TRPM6: variants seen among roughly 807,000 people sequenced by gnomAD.
TRPM6 encodes the protein channel kinase 2.
A neutral mutation model predicts 247.6 loss-of-function variants in TRPM6; 111 were observed. The ratio of observed to expected loss-of-function variants is 0.45; its 90% CI spans 0.38 to 0.52. TRPM6 has a LOEUF of 0.52. Ranked by LOEUF, TRPM6 falls within the 20% of genes least tolerant of loss-of-function variation. The probability of loss-of-function intolerance (pLI) is 0.00; values close to 1 mark genes in which losing one functional copy is unlikely to be tolerated. For synonymous variants in TRPM6, 892 were observed against 853.8 expected, an observed-to-expected ratio of 1.04 and a Z score of -0.78; for missense variants, 2,126 against 2,421.5, an observed-to-expected ratio of 0.88 and a Z score of 2.56.
In TRPM6 at chr9:74,762,407, G is replaced by T. The variant is rs1164786248; in HGVS notation, c.4264C>A (p.Gln1422Lys). ...GTGCAACTCAAAGTGGGTAGCACTT[G>T]CTCTGCCTTGTCTTGTCCATCCAGT... is the stretch of plus-strand genomic sequence containing the variant. ...HLLDGQDKAE[Q>K]VLPTLSCTPE... Residue 1422 changes from glutamine (Q) to lysine (K), a missense_variant, in exon 26 of 39, where the codon CAA becomes AAA. By Grantham distance (53) the Gln-to-Lys change is moderately conservative. Coordinates refer to ENST00000360774, the MANE Select transcript of TRPM6 (RefSeq NM_017662.5). The T allele has an allele frequency of 1.2e-6, 2 of 1,614,186 alleles. No individual in the cohort carries two copies. The highest frequency in any genetic ancestry group is 1.7e-6 in the Non-Finnish European group (2 of 1,180,040).
intron 7 of TRPM6, among the ~76,000 whole-genome samples, chr9:74,822,260 T>C (rs1390714437): frequency 6.6e-6 from 1 of 152,208 alleles, no homozygotes; most frequent in Non-Finnish European, 1.5e-5. Flanking sequence ...TATTTATTTA[T>C]TTTATATAAG....
At chr9:74,799,566 A>T (rs533224151) in intron 17 of TRPM6, among the ~76,000 whole-genome samples, 12 of 148,834 alleles carry the variant, frequency 8.1e-5, no homozygotes, top group African/African-American at 2.9e-4. Context: ...ACACACACAC[A>T]CACACATTGG....
rs1390602125 is a variant in TRPM6 at position 74,834,057 on chromosome 9, T to C, written c.610A>G (p.Thr204Ala). ...HSSHSLRKIW[T>A]VGIPPWGVIE... ...ACACCCCAAGGAGGGATTCCAACTG[T>C]CCAGATTTTTCTCAAGGAATGAGAG... The change falls in exon 6 of 39, where the codon ACA (threonine) becomes GCA (alanine). Residue 204 changes from threonine (T) to alanine (A), a missense_variant. Thr to Ala is a moderately conservative substitution (Grantham distance 58, BLOSUM62 0). Coordinates refer to ENST00000360774, the MANE Select transcript of TRPM6 (RefSeq NM_017662.5). 2 of 1,614,012 alleles carry C rather than the reference T, an allele frequency of 1.2e-6. No individual in the cohort carries two copies. Among genetic ancestry groups the C allele is most frequent in the South Asian group, 1.1e-5 (1 of 91,084 alleles).
chr9:74,789,209 G>A (rs1183474065), intron 19 of TRPM6, among the ~76,000 whole-genome samples: 1 of 152,174 alleles, frequency 6.6e-6, no homozygotes, highest in Non-Finnish European at 1.5e-5. Context: ...TCTATTTTAT[G>A]TTGATTAAAA....
chr9:74,733,873 C>G (rs748635015), intron 36 of TRPM6, among the ~76,000 whole-genome samples: 2 of 152,194 alleles, frequency 1.3e-5, no homozygotes, highest in Non-Finnish European at 2.9e-5. Context: ...CTTATACTTT[C>G]ATTCTACTTA....
At chr9:74,760,640 C>T (rs1826592920) in intron 27 of TRPM6, among the ~76,000 whole-genome samples, 1 of 152,168 alleles carries the variant, frequency 6.6e-6, no homozygotes, top group Non-Finnish European at 1.5e-5. Flanking sequence ...CCATGAGATA[C>T]CACTACACAT....
In TRPM6 at chr9:74,838,340, C is replaced by A. The variant is rs181046218; in HGVS notation, c.544+1684G>T. Among the ~76,000 whole-genome samples, 56 of 152,306 alleles carry A rather than the reference C, an allele frequency of 3.7e-4. 1 individual carries two copies. In the East Asian group the frequency reaches 8.1e-3, roughly 22 times the overall value. On this transcript the variant is annotated intron_variant, in intron 5 of 38. Transcript: ENST00000360774. The stretch of plus-strand genomic sequence containing the variant: ...CTATACAATGGACTTAGAACTCTGC[C>A]AACTTCAGTTTCTTCCAAGAATGTG...
At chr9:74,836,492 T>A (rs1230844552) in intron 5 of TRPM6, among the ~76,000 whole-genome samples, 2 of 152,140 alleles carry the variant, frequency 1.3e-5, no homozygotes, top group African/African-American at 4.8e-5. Flanking sequence ...CACATCAATA[T>A]CAAGTGTGGA....
intron 1 of TRPM6, among the ~76,000 whole-genome samples, chr9:74,886,700 C>A (rs1263884800): frequency 6.6e-6 from 1 of 152,152 alleles, no homozygotes; most frequent in Non-Finnish European, 1.5e-5. Context: ...CAAACTCTTA[C>A]AACCTGCTAA....
At chr9:74,868,741 G>A (rs1379086145) in intron 1 of TRPM6, among the ~76,000 whole-genome samples, 1 of 152,186 alleles carries the variant, frequency 6.6e-6, no homozygotes, top group Non-Finnish European at 1.5e-5. Context: ...TGGCGAGGGT[G>A]TCCATGGTGG....
chr9:74,869,365 G>A (rs1297460373), intron 1 of TRPM6, among the ~76,000 whole-genome samples: 1 of 151,066 alleles, frequency 6.6e-6, no homozygotes, highest in African/African-American at 2.4e-5. Context: ...AGCTACTCGG[G>A]AAGCTGAGGC....
At chr9:74,785,844 T>C in intron 21 of TRPM6, 30 bp downstream of exon 21, 1 of 1,613,598 alleles carries the variant, frequency 6.2e-7, no homozygotes, top group Non-Finnish European at 8.5e-7. Flanking sequence ...TAAAAAAGAA[T>C]ACCAGGATAT....
chr9:74,865,909 C>T (rs1830830450), intron 1 of TRPM6, among the ~76,000 whole-genome samples: 1 of 152,092 alleles, frequency 6.6e-6, no homozygotes, highest in South Asian at 2.1e-4. Context: ...GAATCTGGGA[C>T]TACAGATATG....
chr9:74,787,472 G>T (rs1827733729), intron 20 of TRPM6, among the ~76,000 whole-genome samples: 1 of 151,680 alleles, frequency 6.6e-6, no homozygotes, highest in African/African-American at 2.4e-5. Flanking sequence ...AAAAAAAAGG[G>T]TACAATTCAG....
At position 74,801,959 on chromosome 9, in the gene TRPM6, G is replaced by C. The variant is rs1225189634; in HGVS notation, c.1948C>G (p.His650Asp). ...IACILYRAMA[H>D]EAKESHMVDD... Reference sequence around the variant, plus strand: ...ACCATGTGACTCTCCTTAGCTTCATGGGCCATTGCCCGGTAGAGGATACAC... The same window carrying C: ...ACCATGTGACTCTCCTTAGCTTCATCGGCCATTGCCCGGTAGAGGATACAC... Residue 650 changes from histidine (H) to aspartate (D), a missense_variant, in exon 16 of 39, where the codon CAT (histidine) becomes GAT (aspartate). Around this residue, in one of 3 missense-constraint regions of TRPM6, gnomAD observed 1,082 missense variants for 1,307.9 expected, o/e 0.83. Transcript: ENST00000360774. 1 of 1,614,228 alleles carries C rather than the reference G, an allele frequency of 6.2e-7. No homozygotes were observed. The highest frequency in any genetic ancestry group is 1.7e-5 in the Admixed American group (1 of 60,026).
intron 14 of TRPM6, among the ~76,000 whole-genome samples, chr9:74,804,289 T>C (rs776804837): frequency 1.4e-4 from 21 of 152,074 alleles, no homozygotes; most frequent in Non-Finnish European, 2.2e-4. Context: ...AGTTCCAAGG[T>C]TAAGGTTAAG....
intron 16 of TRPM6, among the ~76,000 whole-genome samples, chr9:74,801,243 ATTTTTTT>A (rs59490187): frequency 2.7e-4 from 23 of 85,288 alleles, no homozygotes; most frequent in African/African-American, 8.8e-4. Flanking sequence ...AAGCCTGGGA[ATTTTTTT>A]TTTTTTTTTT....
intron 1 of TRPM6, among the ~76,000 whole-genome samples, chr9:74,871,314 A>G (rs1831022140): frequency 6.6e-6 from 1 of 152,164 alleles, no homozygotes; most frequent in Admixed American, 6.5e-5. Context: ...AACCTCTATT[A>G]CAGTTTGTTG....
rs151207028 is a variant in TRPM6 at position 74,761,763 on chromosome 9, G to C, written c.4718C>G (p.Ala1573Gly). ...TCTCCTGTCTTTGGTTAGCATTTTC[G>C]CTTTGACCCATGCTCCCTGCCCTAT... ...SEIGQGAWVK[A>G]KMLTKDRRLS... The change falls in exon 27 of 39, where the codon GCG becomes GGG. Residue 1573 changes from alanine (A) to glycine (G), a missense_variant. By Grantham distance (60) the Ala-to-Gly change is moderately conservative. Transcript: ENST00000360774. 5 of 1,613,898 alleles carry C rather than the reference G, an allele frequency of 3.1e-6. No individual in the cohort carries two copies. The East Asian group carries it at 1.1e-4, about 36-fold the overall frequency.
Sources: gnomAD v4.1 joint callset for allele counts (sites outside exome capture counted in the v4.1 genomes callset) on GRCh38, gnomAD v4.1.1 for gene constraint, gnomAD v4.1.1 regional missense constraint, MANE v1.5 for transcripts, NCBI Gene and HGNC (gene_info 2026-07-23, HGNC 2026-07-21) for gene names.